DDAH1: variants seen among roughly 807,000 people sequenced by gnomAD.
DDAH1 encodes N(G),N(G)-dimethylarginine dimethylaminohydrolase 1.
In DDAH1, 19 loss-of-function variants were observed where a neutral mutation model predicts 28.8. The observed-to-expected ratio is 0.66, with a 90% CI of 0.46 to 0.97. DDAH1 has a LOEUF of 0.97. Among genes scored for constraint, DDAH1 ranks in the 50% least tolerant of loss-of-function variants. The pLI is 0.00. For synonymous variants in DDAH1, 153 were observed against 154.4 expected (o/e 0.99, Z 0.07); for missense variants, 326 against 375.9 (o/e 0.87, Z 1.10).
intron 5 of DDAH1, among the ~76,000 whole-genome samples, chr1:85,321,838 C>A (rs1661358779): frequency 6.6e-6 from 1 of 152,158 alleles, no homozygotes; most frequent in African/African-American, 2.4e-5. Flanking sequence ...ATTGTCATTG[C>A]TAGATTAAGT....
At chr1:85,412,718 G>A (rs949897307) in intron 1 of DDAH1, among the ~76,000 whole-genome samples, 1 of 152,142 alleles carries the variant, frequency 6.6e-6, no homozygotes, top group African/African-American at 2.4e-5. Flanking sequence ...AATATTTTGA[G>A]GGCCAGGCAT....
In DDAH1 at chr1:85,464,666, C is replaced by G; in HGVS notation, c.303+77G>C. ...TAGCCCGAGGGCCAATGGCGCGACT[C>G]CCCAGGCAACACGGCGGCCGGCGGC... On this transcript the variant is annotated intron_variant, in intron 1 of 5. Coordinates refer to ENST00000284031, the MANE Select transcript of DDAH1 (RefSeq NM_012137.4). This position sits in a 1 kb window ranked among gnomAD's most constrained non-coding sequence, Gnocchi z 4.4. 6.9e-7 allele frequency: 1 copy of G among 1,441,908 alleles called. No individual in the cohort carries two copies. Among genetic ancestry groups the G allele is most frequent in the Non-Finnish European group, 9.1e-7 (1 of 1,103,066 alleles). The allele number at this position is 1,441,908 out of a possible 1,614,324, so 89.3% of individuals were successfully genotyped here. A position where few individuals can be genotyped will look rare whatever the true frequency, so the allele number is the denominator to read the frequency against.
intron 1 of DDAH1, among the ~76,000 whole-genome samples, chr1:85,405,639 A>AT (rs1652368541): frequency 6.6e-6 from 1 of 151,914 alleles, no homozygotes; most frequent in Non-Finnish European, 1.5e-5. Flanking sequence ...GCCCTAAAAA[A>AT]AAAAGCCCTA....
intron 1 of DDAH1, among the ~76,000 whole-genome samples, chr1:85,455,516 C>G (rs1654846287): frequency 6.6e-6 from 1 of 152,082 alleles, no homozygotes; most frequent in Non-Finnish European, 1.5e-5. Context: ...AGAAAACTAA[C>G]AGTTCAGCAT....
intron 1 of DDAH1, among the ~76,000 whole-genome samples, chr1:85,434,441 G>T (rs1160869442): frequency 1.3e-5 from 2 of 151,766 alleles, no homozygotes; most frequent in East Asian, 3.9e-4. Flanking sequence ...TTGAGACAGG[G>T]TGTCTCTCTC....
rs559856171 is a variant in DDAH1 at position 85,319,995 on chromosome 1, C to T, written c.*1457G>A. On this transcript the variant is annotated 3_prime_UTR_variant, in exon 6 of 6. Transcript: ENST00000284031. ...GATTTGAAGTGATACTTCTTAATCT[C>T]TTTGATTCTTAATCTTAAACAACAA... The T allele has an allele frequency of 2.6e-5, 4 of 152,282 alleles. No individual in the cohort carries two copies. In the East Asian group the frequency reaches 5.8e-4, roughly 22 times the overall value. 9.4% of individuals were successfully genotyped at this position (152,282 alleles called of 1,614,324 possible).
chr1:85,553,945 C>T (rs1165097589), intron 1 of DDAH1, among the ~76,000 whole-genome samples: 2 of 152,196 alleles, frequency 1.3e-5, no homozygotes, highest in African/African-American at 2.4e-5. Context: ...TGTCTTGGTT[C>T]ATAAGGAAGC....
intron 1 of DDAH1, among the ~76,000 whole-genome samples, chr1:85,511,413 C>T (rs571205678): frequency 2.9e-4 from 44 of 152,130 alleles, no homozygotes; most frequent in Admixed American, 6.5e-4. Context: ...GATCTAAAAT[C>T]GACATCATAA....
At chr1:85,345,330 C>T (rs1047900011) in intron 4 of DDAH1, among the ~76,000 whole-genome samples, 10 of 65,636 alleles carry the variant, frequency 1.5e-4, no homozygotes, top group Middle Eastern at 8.9e-3. Flanking sequence ...ATTTGTCTTA[C>T]ATTATTTTTT....
chr1:85,415,685 T>C (rs1455361324), intron 1 of DDAH1, among the ~76,000 whole-genome samples: 1 of 151,990 alleles, frequency 6.6e-6, no homozygotes, highest in African/African-American at 2.4e-5. Context: ...TGGGGGGAAA[T>C]AGACAAGTAA....
intron 1 of DDAH1, among the ~76,000 whole-genome samples, chr1:85,500,490 T>TTTTC (rs1656785892): frequency 6.6e-6 from 1 of 152,144 alleles, no homozygotes; most frequent in Admixed American, 6.5e-5. Context: ...ATTAAAACTT[T>TTTTC]TTTCTTTGAT....
intron 4 of DDAH1, among the ~76,000 whole-genome samples, chr1:85,326,302 T>C (rs571211715): frequency 2.0e-5 from 3 of 152,316 alleles, no homozygotes; most frequent in East Asian, 1.9e-4. Flanking sequence ...GGCTGAGACA[T>C]ACAGATGAAC....
chr1:85,524,569 G>C (rs1657798210), intron 1 of DDAH1, among the ~76,000 whole-genome samples: 1 of 151,958 alleles, frequency 6.6e-6, no homozygotes, highest in African/African-American at 2.4e-5. Context: ...AAAGAATCCA[G>C]CTGTTGCTTT....
At chr1:85,420,153 C>T (rs1608536) in intron 1 of DDAH1, among the ~76,000 whole-genome samples, 23,786 of 151,940 alleles carry the variant, frequency 0.16, 2,275 homozygotes, top group Admixed American at 0.22. Context: ...TGGGTCTGTC[C>T]CAGGAAACCT....
chr1:85,487,287 T>A (rs1448254545), intron 2 of DDAH1, among the ~76,000 whole-genome samples: 1 of 152,228 alleles, frequency 6.6e-6, no homozygotes, highest in Admixed American at 6.5e-5. Flanking sequence ...ATACATGTCA[T>A]GTGGGCACTT....
chr1:85,536,787 C>T (rs529558955), intron 1 of DDAH1, among the ~76,000 whole-genome samples: 25 of 151,780 alleles, frequency 1.6e-4, no homozygotes, highest in Non-Finnish European at 2.8e-4. Flanking sequence ...AATTACCATA[C>T]GATCCAGAAA....
At chr1:85,374,118 G>C (rs1570450721) in intron 1 of DDAH1, among the ~76,000 whole-genome samples, 1 of 152,166 alleles carries the variant, frequency 6.6e-6, no homozygotes, top group South Asian at 2.1e-4. Context: ...CTCTAGATAG[G>C]GGAGACTGGA....
At chr1:85,426,921 C>CAAAAAAAAAAAAAAA (rs10680800) in intron 1 of DDAH1, among the ~76,000 whole-genome samples, 1 of 120,428 alleles carries the variant, frequency 8.3e-6, no homozygotes, top group Admixed American at 9.6e-5. Context: ...TTAAAAAAAA[C>CAAAAAAAAAAAAAAA]AAAAAAAAAA....
intron 1 of DDAH1, among the ~76,000 whole-genome samples, chr1:85,527,300 T>G (rs1657905437): frequency 6.6e-6 from 1 of 151,862 alleles, no homozygotes; most frequent in Admixed American, 6.6e-5. Context: ...ATTGGCTGTC[T>G]GCCAGCGAAA....
Sources: gnomAD v4.1 joint callset for allele counts (sites outside exome capture counted in the v4.1 genomes callset) on GRCh38, gnomAD v4.1.1 for gene constraint, Gnocchi (gnomAD v3.1) non-coding constraint, MANE v1.5 for transcripts, NCBI Gene and HGNC (gene_info 2026-07-23, HGNC 2026-07-21) for gene names.